UGT2B28: variants seen among roughly 807,000 people sequenced by gnomAD.
The protein encoded by UGT2B28 is UDP-glucuronosyltransferase 2B28.
In UGT2B28, 45 loss-of-function variants were observed where a neutral mutation model predicts 43.6. The observed-to-expected ratio is 1.03, with a 90% confidence interval of 0.81 to 1.32. UGT2B28 has a LOEUF of 1.32. Ranked by LOEUF, UGT2B28 falls within the 40% of genes most tolerant of loss-of-function variation. UGT2B28 has a pLI of 0.00. For missense variants in UGT2B28, 649 were observed against 625.5 expected, an observed-to-expected ratio of 1.04 and a Z score of -0.40; for synonymous variants, 204 against 208.1, an observed-to-expected ratio of 0.98 and a Z score of 0.17.
chr4:69,294,579 G>C lies in UGT2B28; in HGVS notation c.1360G>C (p.Val454Leu). ...ATCAATAATTCAACATGATCAACCA[G>C]TAAAGCCCCTGCATCGAGCAGTCTT... is the stretch of plus-strand genomic sequence containing the variant. ...KLSIIQHDQP[V>L]KPLHRAVFWI... The change falls in exon 6 of 6, where the codon GTA becomes CTA. Residue 454 changes from valine to leucine, a missense_variant. Transcript: ENST00000335568. 6.4e-7 allele frequency: 1 copy of C among 1,554,670 alleles called. No homozygotes were observed. The highest frequency in any genetic ancestry group is 8.7e-7 in the Non-Finnish European group (1 of 1,153,160).
At position 69,280,794 on chromosome 4, in the gene UGT2B28, A is replaced by T; in HGVS notation, c.294A>T (p.Ser98=). ...TCATGCAACAGGTTAAGAGATGGTC[A>T]GACATTCAAAAAGATAGCTTTTGGT... is the stretch of plus-strand genomic sequence containing the variant. ...NIIMQQVKRW[S]DIQKDSFWLY... is the part of the protein sequence containing the mutation. The change falls in exon 1 of 6, where the codon TCA becomes TCT. Residue 98 remains serine (S), a synonymous_variant. Coordinates refer to ENST00000335568, the MANE Select transcript of UGT2B28 (RefSeq NM_053039.2). The T allele has an allele frequency of 1.9e-6, 3 of 1,569,542 alleles. No individual in the cohort carries two copies. The highest frequency in any genetic ancestry group is 2.6e-6 in the Non-Finnish European group (3 of 1,160,246).
rs1199378465 is a variant in UGT2B28 at position 69,294,676 on chromosome 4, T to A, written c.1457T>A (p.Phe486Tyr). Residue 486 changes from phenylalanine to tyrosine, a missense_variant, in exon 6 of 6, where the codon TTC (phenylalanine) becomes TAC (tyrosine). Physicochemically the swap from Phe to Tyr is conservative, Grantham distance 22. Coordinates refer to ENST00000335568, the MANE Select transcript of UGT2B28 (RefSeq NM_053039.2). ...LRVAARDLTW[F>Y]QYHSLDVIGF... is the part of the protein sequence containing the mutation. ...GTTGCAGCCCGTGACCTCACCTGGT[T>A]CCAGTACCACTCTTTGGATGTGATT... is the stretch of plus-strand genomic sequence containing the variant. The A allele has an allele frequency of 3.2e-6, 5 of 1,560,430 alleles. No individual in the cohort carries two copies. The highest frequency in any genetic ancestry group is 4.3e-6 in the Non-Finnish European group (5 of 1,155,538).
rs1560563445 is a variant in UGT2B28, at chr4:69,281,427, T to A, written c.721+206T>A. On this transcript the variant is annotated intron_variant, in intron 1 of 5. Transcript: ENST00000335568. ...GTTAAAACCCTGTGGCCATCACTCA[T>A]ACAGAACACCCCAGGAAATCATAAA... Among the ~76,000 whole-genome samples the A allele has an allele frequency of 1.4e-5, 2 of 140,432 alleles. 1 individual carries two copies. Among genetic ancestry groups the A allele is most frequent in the South Asian group, 4.7e-4 (2 of 4,236 alleles). The allele number at this position is 140,432 out of a possible 152,430, so 92.1% of individuals were successfully genotyped here.
Position 69,282,596 on chromosome 4 carries a change from T to C in UGT2B28, c.804T>C (p.His268=), listed in dbSNP as rs143453367. 172 of 1,556,266 alleles carry C rather than the reference T, an allele frequency of 1.1e-4. 27 individuals carry two copies. The African/African-American group carries it at 2.4e-3, about 21-fold the overall frequency. ...ACTCCTGGAGTTTTCAATTTCCTCA[T>C]CCATTCTTACCAAACATTGATTTTG... is the stretch of plus-strand genomic sequence containing the variant. The part of the protein sequence containing the change: ...MRNSWSFQFP[H]PFLPNIDFVG... The change falls in exon 2 of 6, where the codon CAT becomes CAC. Residue 268 remains histidine (H), a synonymous_variant. Coordinates refer to ENST00000335568, the MANE Select transcript of UGT2B28 (RefSeq NM_053039.2).
chr4:69,294,699 A>G lies in UGT2B28; in HGVS notation c.1480A>G (p.Ile494Val). The part of the protein sequence containing the change: ...TWFQYHSLDV[I>V]GFLLACVATV... ...GTTCCAGTACCACTCTTTGGATGTG[A>G]TTGGGTTTCTGCTGGCCTGTGTGGC... The change falls in exon 6 of 6, where the codon ATT (isoleucine) becomes GTT (valine). Residue 494 changes from isoleucine to valine, a missense_variant. Ile to Val is a conservative substitution (Grantham distance 29). Coordinates refer to ENST00000335568, the MANE Select transcript of UGT2B28 (RefSeq NM_053039.2). 5 of 1,559,720 alleles carry G rather than the reference A, an allele frequency of 3.2e-6. 1 individual carries two copies. The highest frequency in any genetic ancestry group is 4.3e-6 in the Non-Finnish European group (5 of 1,155,390).
intron 2 of UGT2B28, among the ~76,000 whole-genome samples, chr4:69,283,468 G>T (rs1300781258): frequency 1.4e-5 from 2 of 139,954 alleles, no homozygotes; most frequent in Non-Finnish European, 3.1e-5. Context: ...TTACAGAAGG[G>T]CCACACTGTA....
Position 69,294,529 on chromosome 4 carries a change from G to C in UGT2B28, c.1311-1G>C, listed in dbSNP as rs1285207670. ...TTGGTATCTTTATTTTTATCCTTCA[G>C]ATATAAAGAGAATGTTATGAAATTA... On this transcript the variant is annotated splice_acceptor_variant, in intron 5 of 5. Coordinates refer to ENST00000335568, the MANE Select transcript of UGT2B28 (RefSeq NM_053039.2). LOFTEE classifies it high-confidence loss of function. 2 of 1,537,148 alleles carry C rather than the reference G, an allele frequency of 1.3e-6. 1 individual carries two copies. Among genetic ancestry groups the C allele is most frequent in the East Asian group, 4.6e-5 (2 of 43,210 alleles).
chr4:69,281,118 T>C lies in UGT2B28; in HGVS notation c.618T>C (p.Thr206=), dbSNP rs369671261. ...VVMSKLSDQM[T]FMERVKNMIY... is the part of the protein sequence containing the mutation. Reference sequence around the variant, plus strand: ...TGTCAAAATTAAGTGATCAAATGACTTTCATGGAGAGGGTAAAAAACATGA... The same window carrying C: ...TGTCAAAATTAAGTGATCAAATGACCTTCATGGAGAGGGTAAAAAACATGA... The change falls in exon 1 of 6, where the codon ACT becomes ACC. Residue 206 remains threonine, a synonymous_variant. Coordinates refer to ENST00000335568, the MANE Select transcript of UGT2B28 (RefSeq NM_053039.2). 14 of 1,558,860 alleles carry C rather than the reference T, an allele frequency of 9.0e-6. 3 individuals carry two copies. The highest frequency in any genetic ancestry group is 2.4e-5 in the South Asian group (2 of 84,094).
At chr4:69,289,389 C>A (rs1723878413) in intron 3 of UGT2B28, among the ~76,000 whole-genome samples, 1 of 139,848 alleles carries the variant, frequency 7.2e-6, no homozygotes, top group South Asian at 2.4e-4. Context: ...GCAGGTAGGT[C>A]TTTTTTTAAA....
rs767011553 is a variant in UGT2B28, at chr4:69,281,007, G to C, written c.507G>C (p.Val169=). Residue 169 remains valine, a synonymous_variant, in exon 1 of 6, where the codon GTG becomes GTC. Transcript: ENST00000335568. ...LLAALLNIPF[V]YSLCFTPGYT... is the part of the protein sequence containing the mutation. ...CTGCGCTACTTAACATACCGTTTGT[G>C]TACAGTCTCTGCTTCACTCCTGGCT... 6.4e-7 allele frequency: 1 copy of C among 1,559,592 alleles called. No homozygotes were observed. Among genetic ancestry groups the C allele is most frequent in the Non-Finnish European group, 8.7e-7 (1 of 1,155,424 alleles).
At chr4:69,288,473 AAAAC>A (rs2109691682) in intron 3 of UGT2B28, among the ~76,000 whole-genome samples, 1 of 140,142 alleles carries the variant, frequency 7.1e-6, no homozygotes, top group South Asian at 2.4e-4. Flanking sequence ...TAAAATACAT[AAAAC>A]AAACATATAG....
rs1393376447 is a variant in UGT2B28, at chr4:69,283,504, C to G, written c.870+842C>G. On this transcript the variant is annotated intron_variant, in intron 2 of 5. Transcript: ENST00000335568. Reference sequence around the variant, plus strand: ...AAGAGCCAACCATTTAGGAAATTTTCCATGGATTCAGGTAGAAGATGATGG... The same window carrying G: ...AAGAGCCAACCATTTAGGAAATTTTGCATGGATTCAGGTAGAAGATGATGG... Among the ~76,000 whole-genome samples the G allele has an allele frequency of 1.6e-4, 23 of 139,900 alleles. 4 individuals are homozygous for G. In the Admixed American group the frequency reaches 1.7e-3, roughly 10 times the overall value. The allele number at this position is 139,900 out of a possible 152,430, so 91.8% of individuals were successfully genotyped here. A position where few individuals can be genotyped will look rare whatever the true frequency, so the allele number is the denominator to read the frequency against.
At chr4:69,292,688 T>TGGGG in intron 5 of UGT2B28, among the ~76,000 whole-genome samples, 2 of 139,898 alleles carry the variant, frequency 1.4e-5, no homozygotes, top group South Asian at 4.8e-4. Context: ...TGAAGACACA[T>TGGGG]TTTCCTGGAG....
chr4:69,284,321 T>A (rs555271185), intron 2 of UGT2B28, among the ~76,000 whole-genome samples: 1 of 141,080 alleles, frequency 7.1e-6, no homozygotes, highest in Non-Finnish European at 1.5e-5. Flanking sequence ...AAAAATCTCA[T>A]ATATTTTAAA....
chr4:69,285,446 C>T lies in UGT2B28; in HGVS notation c.871-1306C>T, dbSNP rs1229287599. ...TTCAACACTGGGTAGAAAAACAAGG[C>T]TCTGATATCAAGCCAGTGAGATGAA... On this transcript the variant is annotated intron_variant, in intron 2 of 5. Coordinates refer to ENST00000335568, the MANE Select transcript of UGT2B28 (RefSeq NM_053039.2). Among the ~76,000 whole-genome samples, 4 of 139,168 alleles carry T rather than the reference C, an allele frequency of 2.9e-5. No individual in the cohort carries two copies. In the Admixed American group the frequency reaches 2.9e-4, roughly 10 times the overall value. The allele number at this position is 139,168 out of a possible 152,430, so 91.3% of individuals were successfully genotyped here. A position where few individuals can be genotyped will look rare whatever the true frequency, so the allele number is the denominator to read the frequency against.
At position 69,280,535 on chromosome 4, in the gene UGT2B28, T is replaced by C; in HGVS notation, c.35T>C (p.Ile12Thr). The C allele has an allele frequency of 6.4e-7, 1 of 1,558,720 alleles. No homozygotes were observed. Among genetic ancestry groups the C allele is most frequent in the Admixed American group, 1.8e-5 (1 of 55,774 alleles). The change falls in exon 1 of 6, where the codon ATA (isoleucine) becomes ACA (threonine). Residue 12 changes from isoleucine to threonine, a missense_variant. Transcript: ENST00000335568. Reference sequence around the variant, plus strand: ...AAGTGGACTTCAGTTCTTCTGCTGATACATCTCGGTTGTTACTTTAGCTCT... The same window carrying C: ...AAGTGGACTTCAGTTCTTCTGCTGACACATCTCGGTTGTTACTTTAGCTCT... ...ALKWTSVLLL[I>T]HLGCYFSSGS... is the part of the protein sequence containing the mutation.
At chr4:69,283,912 A>C (rs1252051482) in intron 2 of UGT2B28, among the ~76,000 whole-genome samples, 1 of 140,756 alleles carries the variant, frequency 7.1e-6, no homozygotes, top group Non-Finnish European at 1.5e-5. Flanking sequence ...TTCTACCGTA[A>C]GTAATAAGGA....
intron 2 of UGT2B28, among the ~76,000 whole-genome samples, chr4:69,283,293 TAAGAATCTAGATCA>T (rs1723675723): frequency 7.2e-6 from 1 of 139,674 alleles, no homozygotes; most frequent in Non-Finnish European, 1.5e-5. Flanking sequence ...AGGGAATGAT[TAAGAATCTAGATCA>T]TACTAAGAGG....
At position 69,283,932 on chromosome 4, in the gene UGT2B28, G is replaced by T. The variant is rs1270336980; in HGVS notation, c.870+1270G>T. On this transcript the variant is annotated intron_variant, in intron 2 of 5. Transcript: ENST00000335568. The stretch of plus-strand genomic sequence containing the variant: ...CCGTAAGTAATAAGGATCTTCACTA[G>T]TATTCGAGCATAAAACACTTCCTCA... 1.1e-4 allele frequency among the ~76,000 whole-genome samples: 15 copies of T among 140,790 alleles called. 3 individuals are homozygous for T. The highest frequency in any genetic ancestry group is 3.0e-5 in the Non-Finnish European group (2 of 65,704). The allele number at this position is 140,790 out of a possible 152,430, so 92.4% of individuals were successfully genotyped here.
Sources: gnomAD v4.1 joint callset for allele counts (sites outside exome capture counted in the v4.1 genomes callset) on GRCh38, gnomAD v4.1.1 for gene constraint, MANE v1.5 for transcripts, NCBI Gene and HGNC (gene_info 2026-07-23, HGNC 2026-07-21) for gene names.